Variants in ARHGAP28 observed in about 807,000 individuals in gnomAD.
The protein encoded by ARHGAP28 is rho GTPase-activating protein 28.
Under a neutral mutation model 90.7 loss-of-function variants are expected in ARHGAP28, and 56 were observed. The ratio of observed to expected loss-of-function variants is 0.62; its 90% CI spans 0.50 to 0.77. The LOEUF (loss-of-function observed/expected upper bound fraction) is 0.77. Ranked by LOEUF, ARHGAP28 falls within the 30% of genes least tolerant of loss-of-function variation. The pLI, the probability that ARHGAP28 is intolerant of heterozygous loss-of-function variation, is 0.00. For synonymous variants in ARHGAP28, 308 were observed against 323.3 expected (o/e 0.95, Z 0.51); for missense variants, 869 against 900.9 (o/e 0.96, Z 0.45).
intron 1 of ARHGAP28, among the ~76,000 whole-genome samples, chr18:6,801,500 A>G (rs2056481579): frequency 1.3e-5 from 2 of 152,286 alleles, no homozygotes; most frequent in South Asian, 2.1e-4. Flanking sequence ...GCATTTTCAT[A>G]TGAGCTTTAG....
chr18:6,828,556 G>A (rs548257271), intron 2 of ARHGAP28, among the ~76,000 whole-genome samples: 2 of 152,278 alleles, frequency 1.3e-5, no homozygotes, highest in East Asian at 3.9e-4. Flanking sequence ...ATAGTTTGAG[G>A]TCTTACATTT....
Position 6,729,827 on chromosome 18 carries a change from G to A in ARHGAP28, c.6G>A (p.Glu2=), listed in dbSNP as rs1355081482. Residue 2 remains glutamate (E), a synonymous_variant, in exon 1 of 18, where the codon GAG becomes GAA. Transcript: ENST00000383472. M[E]VEDSGGVVLT... ...CGAGACATGCGCGGCTGACGATGGA[G>A]GTGGAGGACTCGGGCGGCGTGGTGC... 2 of 1,421,756 alleles carry A rather than the reference G, an allele frequency of 1.4e-6. No homozygotes were observed. Among genetic ancestry groups the A allele is most frequent in the East Asian group, 3.1e-5 (1 of 32,608 alleles). The allele number at this position is 1,421,756 out of a possible 1,614,324, so 88.1% of individuals were successfully genotyped here.
intron 3 of ARHGAP28, among the ~76,000 whole-genome samples, chr18:6,848,078 C>T (rs950813304): frequency 1.3e-5 from 2 of 152,020 alleles, no homozygotes; most frequent in African/African-American, 4.8e-5. Flanking sequence ...TCCAGACTCC[C>T]AGAAGGAACG....
intron 3 of ARHGAP28, among the ~76,000 whole-genome samples, chr18:6,838,966 A>C (rs1319102000): frequency 6.6e-6 from 1 of 152,154 alleles, no homozygotes; most frequent in Admixed American, 6.5e-5. Context: ...TGTATTTTTC[A>C]TCTGACCATC....
intron 1 of ARHGAP28, among the ~76,000 whole-genome samples, chr18:6,750,270 G>A (rs116166725): frequency 7.9e-5 from 12 of 152,176 alleles, no homozygotes; most frequent in East Asian, 7.7e-4. Context: ...GTAACTAATC[G>A]GCCCAAGTGA....
chr18:6,907,057 G>A (rs2057368178), intron 16 of ARHGAP28, among the ~76,000 whole-genome samples: 1 of 152,154 alleles, frequency 6.6e-6, no homozygotes, highest in African/African-American at 2.4e-5. Flanking sequence ...ATGAAAAGAT[G>A]TTCAACATCG....
At chr18:6,861,113 A>G (rs981336055) in intron 5 of ARHGAP28, among the ~76,000 whole-genome samples, 8 of 152,200 alleles carry the variant, frequency 5.3e-5, no homozygotes, top group African/African-American at 1.9e-4. Flanking sequence ...CAGTTGTGCT[A>G]TTCCCTTGTG....
intron 16 of ARHGAP28, among the ~76,000 whole-genome samples, chr18:6,903,374 T>C (rs1480634855): frequency 6.6e-6 from 1 of 152,156 alleles, no homozygotes; most frequent in Non-Finnish European, 1.5e-5. Flanking sequence ...ATGTTTTAAG[T>C]GTGAGGATAA....
chr18:6,859,957 A>G, intron 5 of ARHGAP28, 60 bp downstream of exon 5: 26 of 1,411,484 alleles, frequency 1.8e-5, no homozygotes, highest in Non-Finnish European at 2.6e-5. Flanking sequence ...CAAAGCAACT[A>G]ATGTAGGAAG....
At chr18:6,793,812 T>C (rs1031519530) in intron 1 of ARHGAP28, among the ~76,000 whole-genome samples, 7 of 151,882 alleles carry the variant, frequency 4.6e-5, no homozygotes. Flanking sequence ...TGATTTACAA[T>C]GTAAATAGAA....
At position 6,807,067 on chromosome 18, in the gene ARHGAP28, C is replaced by T. The variant is rs1198354746; in HGVS notation, c.123-17695C>T. On this transcript the variant is annotated intron_variant, in intron 1 of 17. Coordinates refer to ENST00000383472, the MANE Select transcript of ARHGAP28 (RefSeq NM_001366230.1). ...ATTGCTAATTCAAATAAGTTGATTACGGTGCACCATGGTGTTGTTTTCTTC... is the reference window on the plus strand; with the variant it reads ...ATTGCTAATTCAAATAAGTTGATTATGGTGCACCATGGTGTTGTTTTCTTC... 2.0e-5 allele frequency among the ~76,000 whole-genome samples: 3 copies of T among 151,982 alleles called. No individual in the cohort carries two copies. The East Asian group carries it at 5.8e-4, about 29-fold the overall frequency.
chr18:6,806,208 C>T (rs1302734846), intron 1 of ARHGAP28, among the ~76,000 whole-genome samples: 2 of 151,924 alleles, frequency 1.3e-5, no homozygotes, highest in African/African-American at 4.8e-5. Context: ...TTCCTTTTTT[C>T]ATTCTTCTTT....
intron 1 of ARHGAP28, among the ~76,000 whole-genome samples, chr18:6,781,260 G>T (rs1349410664): frequency 6.6e-6 from 1 of 152,166 alleles, no homozygotes; most frequent in Non-Finnish European, 1.5e-5. Context: ...CAGGGGATTG[G>T]ACACAGTGCT....
intron 12 of ARHGAP28, 109 bp downstream of exon 12, chr18:6,887,348 A>G: frequency 1.0e-6 from 1 of 958,658 alleles, no homozygotes; most frequent in East Asian, 2.6e-5. Context: ...CCACCTGAGC[A>G]TGCTGCAAAC....
chr18:6,760,944 T>A (rs1228707331), intron 1 of ARHGAP28, among the ~76,000 whole-genome samples: 1 of 152,180 alleles, frequency 6.6e-6, no homozygotes, highest in African/African-American at 2.4e-5. Flanking sequence ...ATATCAGGGG[T>A]CCTTAGCATA....
intron 16 of ARHGAP28, among the ~76,000 whole-genome samples, chr18:6,903,492 A>G (rs1395141750): frequency 1.3e-5 from 2 of 152,190 alleles, no homozygotes; most frequent in Non-Finnish European, 2.9e-5. Context: ...AAACAAAGCC[A>G]TACAAAGCAA....
At chr18:6,787,061 A>G (rs1321704100) in intron 1 of ARHGAP28, among the ~76,000 whole-genome samples, 1 of 151,910 alleles carries the variant, frequency 6.6e-6, no homozygotes, top group East Asian at 1.9e-4. Context: ...CTCTACTAAA[A>G]ACACAAAAAT....
intron 3 of ARHGAP28, among the ~76,000 whole-genome samples, chr18:6,849,071 G>T (rs995022972): frequency 6.6e-6 from 1 of 150,504 alleles, no homozygotes; most frequent in Non-Finnish European, 1.5e-5. Context: ...GTGAAAAAGC[G>T]AGAACCTGTC....
intron 1 of ARHGAP28, chr18:6,788,356 C>A: frequency 6.5e-6 from 1 of 153,354 alleles, no homozygotes; most frequent in South Asian, 1.9e-4. Flanking sequence ...CATCATGCTT[C>A]CTGTACAGCC....
Sources: gnomAD v4.1 joint callset for allele counts (sites outside exome capture counted in the v4.1 genomes callset) on GRCh38, gnomAD v4.1.1 for gene constraint, MANE v1.5 for transcripts, NCBI Gene and HGNC (gene_info 2026-07-23, HGNC 2026-07-21) for gene names.